COL7A1: variants seen among roughly 807,000 people sequenced by gnomAD.
COL7A1 encodes the protein collagen type VII alpha 1 chain.
COL7A1 carries 296 observed loss-of-function variants against 456.2 expected under a neutral mutation model. That is an observed-to-expected ratio of 0.65 (90% CI 0.59 to 0.71). COL7A1 has a LOEUF of 0.71. Ranked by LOEUF, COL7A1 falls within the 30% of genes least tolerant of loss-of-function variation. The pLI is 0.00. For synonymous variants in COL7A1, 1,464 were observed against 1,525.9 expected, an observed-to-expected ratio of 0.96 and a Z score of 0.95; for missense variants, 3,441 against 4,017.2, an observed-to-expected ratio of 0.86 and a Z score of 3.88.
Position 48,566,938 on chromosome 3 carries a change from G to A in COL7A1, c.8195C>T (p.Pro2732Leu). 6.2e-7 allele frequency: 1 copy of A among 1,609,986 alleles called. No individual in the cohort carries two copies. Among genetic ancestry groups the A allele is most frequent in the South Asian group, 1.1e-5 (1 of 90,856 alleles). The change falls in exon 111 of 119, where the codon CCC becomes CTC. Residue 2732 changes from proline to leucine, a missense_variant. Transcript: ENST00000681320. The surrounding 1 kb of genome is among the most constrained non-coding windows in gnomAD (Gnocchi z 5.9). ...GPPGPPGSVG[P>L]RGPEGLQGQK... ...GCCCTGAAGTCCTTCGGGGCCTCTG[G>A]GACCAACACTGCCAGGTGGCCCTGG...
chr3:48,568,034 C>G lies in COL7A1; in HGVS notation c.7875+56G>C, dbSNP rs1401233531. Reference sequence around the variant, plus strand: ...CTAATATCTGACCCCAGGTCCCTCGCCCTTCAACATTAGGCCTTCCTGACC... The same window carrying G: ...CTAATATCTGACCCCAGGTCCCTCGGCCTTCAACATTAGGCCTTCCTGACC... On this transcript the variant is annotated intron_variant, in intron 106 of 118. Transcript: ENST00000681320. The surrounding 1 kb of genome is among the most constrained non-coding windows in gnomAD (Gnocchi z 5.2). The G allele has an allele frequency of 6.2e-7, 1 of 1,609,308 alleles. No individual in the cohort carries two copies. Among genetic ancestry groups the G allele is most frequent in the South Asian group, 1.1e-5 (1 of 90,964 alleles).
rs372129282 is a variant in COL7A1, at chr3:48,572,309, G to A, written c.6978+71C>T. 1.2e-4 allele frequency: 196 copies of A among 1,613,196 alleles called. No individual in the cohort carries two copies. Among genetic ancestry groups the A allele is most frequent in the Middle Eastern group, 6.6e-4 (4 of 6,062 alleles). ...CATGAGGGTGGGTAAACTATGGGTCGAAGGTCAGAAGTTAGGCCACTGGAG... is the reference window on the plus strand; with the variant it reads ...CATGAGGGTGGGTAAACTATGGGTCAAAGGTCAGAAGTTAGGCCACTGGAG... On this transcript the variant is annotated intron_variant, in intron 90 of 118. Transcript: ENST00000681320. The surrounding 1 kb of genome is among the most constrained non-coding windows in gnomAD (Gnocchi z 4.6).
At position 48,594,589 on chromosome 3, in the gene COL7A1, C is replaced by A; in HGVS notation, c.86-41G>T. The A allele has an allele frequency of 6.5e-7, 1 of 1,541,408 alleles. No individual in the cohort carries two copies. Among genetic ancestry groups the A allele is most frequent in the African/African-American group, 1.4e-5 (1 of 73,192 alleles). ...GAGATCAGGGCCTCTTCTGGGAGGCCAACCACCCGCCTACCCGCACGGTGG... is the reference window on the plus strand; with the variant it reads ...GAGATCAGGGCCTCTTCTGGGAGGCAAACCACCCGCCTACCCGCACGGTGG... On this transcript the variant is annotated intron_variant, in intron 2 of 118. Coordinates refer to ENST00000681320, the MANE Select transcript of COL7A1 (RefSeq NM_000094.4). The surrounding 1 kb of genome is among the most constrained non-coding windows in gnomAD (Gnocchi z 5.5).
rs1370630034 is a variant in COL7A1, at chr3:48,569,768, G to T, written c.7522-8C>A. 6.2e-7 allele frequency: 1 copy of T among 1,614,032 alleles called. No homozygotes were observed. Among genetic ancestry groups the T allele is most frequent in the East Asian group, 2.2e-5 (1 of 44,880 alleles). On this transcript the variant is annotated splice_region_variant and splice_polypyrimidine_tract_variant and intron_variant, in intron 100 of 118. Coordinates refer to ENST00000681320, the MANE Select transcript of COL7A1 (RefSeq NM_000094.4). The surrounding 1 kb of genome is among the most constrained non-coding windows in gnomAD (Gnocchi z 4.9). ...TGCACTCCCAACATCACCCTATTGG[G>T]CAAAAGAGTGTGAGTCCCGCCCAAA...
In COL7A1 at chr3:48,587,634, G is replaced by C. The variant is rs1042820586; in HGVS notation, c.2858-80C>G. On this transcript the variant is annotated intron_variant, in intron 22 of 118. Transcript: ENST00000681320. This position sits in a 1 kb window ranked among gnomAD's most constrained non-coding sequence, Gnocchi z 6.1. ...GGGAGAGATCTGAGATCCTGGGTCC[G>C]GTTTGTCTTATTGAAGCATCATGGG... The C allele has an allele frequency of 4.9e-5, 79 of 1,607,508 alleles. No homozygotes were observed. In the African/African-American group the frequency reaches 9.6e-4, roughly 20 times the overall value.
chr3:48,584,495 G>T lies in COL7A1; in HGVS notation c.4109C>A (p.Pro1370His). ...GPGLPGRKGD[P>H]GPSGPPGPRG... ...ATACCCTGCACTTACCGATGGTCCAGGGTCCCCTTTCCGCCCAGGAAGCCC... is the reference window on the plus strand; with the variant it reads ...ATACCCTGCACTTACCGATGGTCCATGGTCCCCTTTCCGCCCAGGAAGCCC... The change falls in exon 36 of 119, where the codon CCT (proline) becomes CAT (histidine). Residue 1370 changes from proline (P) to histidine (H), a missense_variant. Coordinates refer to ENST00000681320, the MANE Select transcript of COL7A1 (RefSeq NM_000094.4). 6.8e-6 allele frequency: 11 copies of T among 1,613,974 alleles called. No individual in the cohort carries two copies. The highest frequency in any genetic ancestry group is 9.3e-6 in the Non-Finnish European group (11 of 1,179,964).
chr3:48,590,062 A>C lies in COL7A1; in HGVS notation c.2050+151T>G, dbSNP rs1187976238. On this transcript the variant is annotated intron_variant, in intron 16 of 118. Transcript: ENST00000681320. This position sits in a 1 kb window ranked among gnomAD's most constrained non-coding sequence, Gnocchi z 4.6. Reference sequence around the variant, plus strand: ...GCTTAAGGGGAGACAGCTGAAACTGAAGAGGAAGCAGCGTCTCTGAGGGAG... The same window carrying C: ...GCTTAAGGGGAGACAGCTGAAACTGCAGAGGAAGCAGCGTCTCTGAGGGAG... The C allele has an allele frequency of 2.3e-6, 2 of 853,080 alleles. No individual in the cohort carries two copies. 52.8% of individuals were successfully genotyped at this position (853,080 alleles called of 1,614,324 possible).
chr3:48,568,411 G>A lies in COL7A1; in HGVS notation c.7794+88C>T, dbSNP rs949159606. 2 of 1,387,220 alleles carry A rather than the reference G, an allele frequency of 1.4e-6. No individual in the cohort carries two copies. The highest frequency in any genetic ancestry group is 2.0e-6 in the Non-Finnish European group (2 of 997,914). The allele number at this position is 1,387,220 out of a possible 1,614,324, so 85.9% of individuals were successfully genotyped here. A position where few individuals can be genotyped will look rare whatever the true frequency, so the allele number is the denominator to read the frequency against. ...CCATGAGAGCACTGGGTCACTATAA[G>A]GTCAAAAGCTACCACACTGGTGGGA... On this transcript the variant is annotated intron_variant, in intron 105 of 118. Coordinates refer to ENST00000681320, the MANE Select transcript of COL7A1 (RefSeq NM_000094.4). This position sits in a 1 kb window ranked among gnomAD's most constrained non-coding sequence, Gnocchi z 5.2.
Position 48,566,288 on chromosome 3 carries a change from G to A in COL7A1, c.8386C>T (p.Gln2796Ter). Residue 2796 changes from glutamine to a stop codon, truncating the protein, a stop_gained, in exon 114 of 119, where the codon CAA becomes TAA. Transcript: ENST00000681320. LOFTEE classifies it high-confidence loss of function. The surrounding 1 kb of genome is among the most constrained non-coding windows in gnomAD (Gnocchi z 5.9). Reference sequence around the variant, plus strand: ...TCACCACAGTGCTGACTCATCTCTTGGCGCACAAAGCCCCGGATGTCATCC... The same window carrying A: ...TCACCACAGTGCTGACTCATCTCTTAGCGCACAAAGCCCCGGATGTCATCC... ...TEDDIRGFVR[Q>*]EMSQHCACQG... 6.2e-7 allele frequency: 1 copy of A among 1,603,282 alleles called. No homozygotes were observed. Among genetic ancestry groups the A allele is most frequent in the Non-Finnish European group, 8.5e-7 (1 of 1,175,738 alleles).
Position 48,587,448 on chromosome 3 carries a change from G to A in COL7A1, c.2964C>T (p.Ser988=), listed in dbSNP as rs1428185013. 3 of 1,613,234 alleles carry A rather than the reference G, an allele frequency of 1.9e-6. No homozygotes were observed. Among genetic ancestry groups the A allele is most frequent in the African/African-American group, 2.7e-5 (2 of 74,944 alleles). The change falls in exon 23 of 119, where the codon TCC becomes TCT. Residue 988 remains serine (S), a synonymous_variant. Transcript: ENST00000681320. The surrounding 1 kb of genome is among the most constrained non-coding windows in gnomAD (Gnocchi z 6.1). ...GGCCAGGGCCTCTGAGTGGCCGCCA[G>A]GATAGGATGTAGCTGGATGCCCTGG... ...PVSRASSYIL[S]WRPLRGPGQE...
rs183542251 is a variant in COL7A1 at position 48,567,438 on chromosome 3, G to A, written c.8046+136C>T. 1.2e-4 allele frequency: 160 copies of A among 1,289,298 alleles called. No individual in the cohort carries two copies. The Admixed American group carries it at 2.3e-3, about 19-fold the overall frequency. The allele number at this position is 1,289,298 out of a possible 1,614,324, so 79.9% of individuals were successfully genotyped here. The stretch of plus-strand genomic sequence containing the variant: ...TGACCCCAACCCACCTTGACACCTC[G>A]AGACCAGCCCCACTTCAGCCCCCAA... On this transcript the variant is annotated intron_variant, in intron 109 of 118. Coordinates refer to ENST00000681320, the MANE Select transcript of COL7A1 (RefSeq NM_000094.4). This position sits in a 1 kb window ranked among gnomAD's most constrained non-coding sequence, Gnocchi z 4.3.
Position 48,590,804 on chromosome 3 carries a change from G to A in COL7A1, c.1649C>T (p.Thr550Ile). The A allele has an allele frequency of 6.2e-7, 1 of 1,613,566 alleles. No individual in the cohort carries two copies. The highest frequency in any genetic ancestry group is 8.5e-7 in the Non-Finnish European group (1 of 1,180,028). ...IVRSTQGVER[T>I]LVLPGSQTAF... is the part of the protein sequence containing the mutation. ...TGTCTGACTCCCAGGAAGCACCAGG[G>A]TCCGCTCAACCCCTAAGAGAGAAGT... is the stretch of plus-strand genomic sequence containing the variant. The change falls in exon 14 of 119, where the codon ACC becomes ATC. Residue 550 changes from threonine to isoleucine, a missense_variant. This residue lies in a region of COL7A1 where 913 missense variants were observed against 1,088.2 expected (regional missense o/e 0.84). Coordinates refer to ENST00000681320, the MANE Select transcript of COL7A1 (RefSeq NM_000094.4). The surrounding 1 kb of genome is among the most constrained non-coding windows in gnomAD (Gnocchi z 4.6).
chr3:48,593,806 T>C lies in COL7A1; in HGVS notation c.267-110A>G, dbSNP rs2045879944. 1 of 1,319,878 alleles carries C rather than the reference T, an allele frequency of 7.6e-7. No homozygotes were observed. The highest frequency in any genetic ancestry group is 1.1e-6 in the Non-Finnish European group (1 of 918,858). The allele number at this position is 1,319,878 out of a possible 1,614,324, so 81.8% of individuals were successfully genotyped here. ...ACGGGTATCAGGCTCTCTTGAGGGG[T>C]CCCTTCGTTCTGTCATTCTCCACAC... On this transcript the variant is annotated intron_variant, in intron 3 of 118. Transcript: ENST00000681320. This position sits in a 1 kb window ranked among gnomAD's most constrained non-coding sequence, Gnocchi z 4.4.
chr3:48,567,633 C>A lies in COL7A1; in HGVS notation c.7987G>T (p.Glu2663Ter), dbSNP rs756771873. ...CCCGACTGGCCCGGCACACCAGGCT[C>A]CCCCTGGAGAAAAAAAGACATGAAC... ...GLAGHKGEMGEPGVPGQSGAP... is the reference protein window; with the variant it reads ...GLAGHKGEMG Residue 2663 changes from glutamate to a stop codon, truncating the protein, a stop_gained, in exon 109 of 119, where the codon GAG becomes TAG. Transcript: ENST00000681320. LOFTEE classifies it high-confidence loss of function. This position sits in a 1 kb window ranked among gnomAD's most constrained non-coding sequence, Gnocchi z 4.3. 3.1e-6 allele frequency: 5 copies of A among 1,613,418 alleles called. No homozygotes were observed. Among genetic ancestry groups the A allele is most frequent in the Non-Finnish European group, 4.2e-6 (5 of 1,179,910 alleles).
At position 48,564,487 on chromosome 3, in the gene COL7A1, G is replaced by A; in HGVS notation, c.8819-65C>T. 6.3e-7 allele frequency: 1 copy of A among 1,597,858 alleles called. No homozygotes were observed. Among genetic ancestry groups the A allele is most frequent in the Non-Finnish European group, 8.6e-7 (1 of 1,167,630 alleles). ...CCTTCCCCGGAGACGCTCAGGCAGA[G>A]GCACCGCCAAGGGGAGGGAGCGGAG... On this transcript the variant is annotated intron_variant, in intron 118 of 118. Coordinates refer to ENST00000681320, the MANE Select transcript of COL7A1 (RefSeq NM_000094.4). The surrounding 1 kb of genome is among the most constrained non-coding windows in gnomAD (Gnocchi z 6.0).
Position 48,590,720 on chromosome 3 carries a change from C to T in COL7A1, c.1733G>A (p.Arg578Gln), listed in dbSNP as rs41290692. Residue 578 changes from arginine (R) to glutamine (Q), a missense_variant, in exon 14 of 119, where the codon CGA becomes CAA. This residue lies in a region of COL7A1 where 913 missense variants were observed against 1,088.2 expected (regional missense o/e 0.84). Coordinates refer to ENST00000681320, the MANE Select transcript of COL7A1 (RefSeq NM_000094.4). The surrounding 1 kb of genome is among the most constrained non-coding windows in gnomAD (Gnocchi z 4.6). The part of the protein sequence containing the change: ...GLSYTVRVSA[R>Q]VGPREGSASV... ...GGCACTGCCCTCACGGGGACCCACTCGAGCAGACACCCGCACAGTGTAGCT... is the reference window on the plus strand; with the variant it reads ...GGCACTGCCCTCACGGGGACCCACTTGAGCAGACACCCGCACAGTGTAGCT... 6.2e-7 allele frequency: 1 copy of T among 1,613,886 alleles called. No homozygotes were observed. The highest frequency in any genetic ancestry group is 1.3e-5 in the African/African-American group (1 of 74,914).
Position 48,570,013 on chromosome 3 carries a change from G to A in COL7A1, c.7486-98C>T. 3 of 1,597,994 alleles carry A rather than the reference G, an allele frequency of 1.9e-6. No homozygotes were observed. The highest frequency in any genetic ancestry group is 2.6e-6 in the Non-Finnish European group (3 of 1,166,564). ...GGGAAACAGTGGGGACCAGACAAAG[G>A]GGACAGGGGTAGACGAGGAGGGCCA... On this transcript the variant is annotated intron_variant, in intron 99 of 118. Transcript: ENST00000681320. This position sits in a 1 kb window ranked among gnomAD's most constrained non-coding sequence, Gnocchi z 5.5.
At position 48,578,832 on chromosome 3, in the gene COL7A1, ACT is replaced by A. The variant is rs1329095570; in HGVS notation, c.5424+85_5424+86del. 7.1e-6 allele frequency: 10 copies of A among 1,408,334 alleles called. No individual in the cohort carries two copies. In the East Asian group the frequency reaches 1.5e-4, roughly 21 times the overall value. The allele number at this position is 1,408,334 out of a possible 1,614,324, so 87.2% of individuals were successfully genotyped here. A position where few individuals can be genotyped will look rare whatever the true frequency, so the allele number is the denominator to read the frequency against. On this transcript the variant is annotated intron_variant, in intron 63 of 118. Coordinates refer to ENST00000681320, the MANE Select transcript of COL7A1 (RefSeq NM_000094.4). The surrounding 1 kb of genome is among the most constrained non-coding windows in gnomAD (Gnocchi z 4.7). ...GCAAGGCTGAACCGACCCCCCACCA[ACT>A]CTCTCGGATGCTGTGACTATGATGA... is the stretch of plus-strand genomic sequence containing the variant.
chr3:48,585,504 C>G lies in COL7A1; in HGVS notation c.3894+53G>C. On this transcript the variant is annotated intron_variant, in intron 32 of 118. Transcript: ENST00000681320. This position sits in a 1 kb window ranked among gnomAD's most constrained non-coding sequence, Gnocchi z 4.5. ...TCTTCCTTCTCTCTTGTAAAAACCCCGAGACAGCTTTGAGGAGTGCCTCAG... is the reference window on the plus strand; with the variant it reads ...TCTTCCTTCTCTCTTGTAAAAACCCGGAGACAGCTTTGAGGAGTGCCTCAG... 6.3e-7 allele frequency: 1 copy of G among 1,581,408 alleles called. No individual in the cohort carries two copies. The highest frequency in any genetic ancestry group is 1.1e-5 in the South Asian group (1 of 90,448).
Sources: allele counts gnomAD v4.1 joint callset, GRCh38; gene constraint gnomAD v4.1.1; regional missense constraint gnomAD v4.1.1; non-coding constraint Gnocchi (gnomAD v3.1); transcripts MANE v1.5; gene names NCBI Gene and HGNC (gene_info 2026-07-23, HGNC 2026-07-21).